The following SHB variants were observed in gnomAD, a reference collection of about 807,000 sequenced individuals.
SHB encodes the protein SH2 domain-containing adapter protein B.
In SHB, 20 loss-of-function variants were observed where a neutral mutation model predicts 52.3. The observed-to-expected ratio is 0.38, with a 90% confidence interval of 0.27 to 0.56. The LOEUF is 0.56. SHB is among the 20% of genes least tolerant of loss of function. SHB has a pLI of 0.71. For missense variants in SHB, 825 were observed against 723.3 expected (o/e 1.14, Z -1.61); for synonymous variants, 397 against 316.5 (o/e 1.25, Z -2.70).
At chr9:37,995,774 T>C (rs1027507341) in intron 2 of SHB, among the ~76,000 whole-genome samples, 6 of 152,220 alleles carry the variant, frequency 3.9e-5, no homozygotes, top group African/African-American at 1.2e-4. Context: ...CCATGCTGGC[T>C]GATTCCCATC....
intron 3 of SHB, among the ~76,000 whole-genome samples, chr9:37,959,107 G>C (rs1337885986): frequency 2.0e-5 from 3 of 152,188 alleles, no homozygotes; most frequent in Non-Finnish European, 4.4e-5. Flanking sequence ...CAATCCTGAA[G>C]ACGGGAAGAC....
chr9:38,059,637 G>A (rs1366810595), intron 1 of SHB, among the ~76,000 whole-genome samples: 1 of 152,174 alleles, frequency 6.6e-6, no homozygotes, highest in Admixed American at 6.5e-5. Flanking sequence ...CTCCTTAATG[G>A]TCTCAGCAAA....
chr9:37,988,892 G>A (rs1283363927), intron 2 of SHB, among the ~76,000 whole-genome samples: 1 of 152,142 alleles, frequency 6.6e-6, no homozygotes, highest in Non-Finnish European at 1.5e-5. Context: ...CCTTTTTCCT[G>A]CCTTCAGACT....
chr9:38,067,150 TC>T (rs1468732642), intron 1 of SHB, among the ~76,000 whole-genome samples: 1 of 150,432 alleles, frequency 6.6e-6, no homozygotes, highest in Admixed American at 6.6e-5. Flanking sequence ...TGTCACAAAG[TC>T]CCCCCGTGTT....
intron 5 of SHB, among the ~76,000 whole-genome samples, chr9:37,921,279 T>G (rs1832177134): frequency 2.0e-5 from 3 of 152,138 alleles, no homozygotes; most frequent in Admixed American, 1.3e-4. Flanking sequence ...CAAGCAGACT[T>G]GAAGGTTTGC....
At chr9:38,032,045 G>A (rs1821422713) in intron 1 of SHB, among the ~76,000 whole-genome samples, 1 of 152,128 alleles carries the variant, frequency 6.6e-6, no homozygotes, top group African/African-American at 2.4e-5. Flanking sequence ...CTGAGTCCCA[G>A]AGCCTGGGAT....
At chr9:38,013,312 C>A (rs1821166145) in intron 2 of SHB, among the ~76,000 whole-genome samples, 1 of 152,140 alleles carries the variant, frequency 6.6e-6, no homozygotes, top group Non-Finnish European at 1.5e-5. Flanking sequence ...ATGGGGTGTA[C>A]CCTCATTTAA....
At chr9:38,037,169 C>T (rs898280024) in intron 1 of SHB, among the ~76,000 whole-genome samples, 2 of 152,186 alleles carry the variant, frequency 1.3e-5, no homozygotes, top group African/African-American at 4.8e-5. Context: ...CCTGCGATCT[C>T]CTTATGACAC....
In SHB at chr9:38,016,081, G is replaced by T. The variant is rs539830857; in HGVS notation, c.768C>A (p.Leu256=). 1 of 1,614,046 alleles carries T rather than the reference G, an allele frequency of 6.2e-7. No individual in the cohort carries two copies. The highest frequency in any genetic ancestry group is 1.6e-4 in the Middle Eastern group (1 of 6,062). ...YSDPFDAKND[L]KSKAGKGESA... The stretch of plus-strand genomic sequence containing the variant: ...TCTCCCCCTTTCCTGCTTTGCTCTT[G>T]AGATCATTCTTGGCATCAAAGGGAT... Residue 256 remains leucine, a synonymous_variant, in exon 2 of 6, where the codon CTC becomes CTA. Coordinates refer to ENST00000377707, the MANE Select transcript of SHB (RefSeq NM_003028.3).
chr9:37,982,717 T>C (rs1820749814), intron 2 of SHB, among the ~76,000 whole-genome samples: 1 of 152,024 alleles, frequency 6.6e-6, no homozygotes, highest in Non-Finnish European at 1.5e-5. Context: ...AAGAATCACT[T>C]GAACCTGGTA....
intron 3 of SHB, among the ~76,000 whole-genome samples, chr9:37,968,815 C>T (rs1820561282): frequency 6.6e-6 from 1 of 152,206 alleles, no homozygotes; most frequent in Non-Finnish European, 1.5e-5. Context: ...GCCTGACTGG[C>T]TCTGCCATGA....
chr9:37,986,994 G>A (rs1010935994), intron 2 of SHB, among the ~76,000 whole-genome samples: 1 of 152,240 alleles, frequency 6.6e-6, no homozygotes, highest in Non-Finnish European at 1.5e-5. Flanking sequence ...ACACTCTAAT[G>A]AGGTAAAGCC....
intron 2 of SHB, among the ~76,000 whole-genome samples, chr9:37,990,200 G>T (rs1820865713): frequency 9.6e-6 from 1 of 104,572 alleles, no homozygotes; most frequent in African/African-American, 4.3e-5. Flanking sequence ...CCAGCTTCAA[G>T]TCTCAGCCTC....
chr9:37,974,573 C>T (rs1328044351), intron 3 of SHB, 49 bp downstream of exon 3: 1 of 1,531,098 alleles, frequency 6.5e-7, no homozygotes, highest in Non-Finnish European at 8.9e-7. Flanking sequence ...AAGGTGAGTG[C>T]TGAGCGCAGC....
At chr9:38,017,972 T>C (rs1408501089) in intron 1 of SHB, among the ~76,000 whole-genome samples, 2 of 151,970 alleles carry the variant, frequency 1.3e-5, no homozygotes, top group African/African-American at 4.8e-5. Flanking sequence ...TGTCTCAGAG[T>C]TCAAGGGGCC....
chr9:38,062,586 T>C (rs552180920), intron 1 of SHB, among the ~76,000 whole-genome samples: 9 of 152,294 alleles, frequency 5.9e-5, no homozygotes, highest in South Asian at 4.1e-4. Context: ...AGCTGAATTG[T>C]TGCAGCCCAA....
At chr9:37,963,700 C>A (rs1832719006) in intron 3 of SHB, among the ~76,000 whole-genome samples, 1 of 152,036 alleles carries the variant, frequency 6.6e-6, no homozygotes, top group Non-Finnish European at 1.5e-5. Context: ...AGTTGTGCGA[C>A]CCCAGGAAGG....
chr9:37,969,287 T>C (rs1182720473), intron 3 of SHB, among the ~76,000 whole-genome samples: 1 of 152,160 alleles, frequency 6.6e-6, no homozygotes, highest in Non-Finnish European at 1.5e-5. Context: ...AAAGTCCGGC[T>C]CTGCTGCTGA....
chr9:37,923,123 C>T (rs534702367), intron 5 of SHB, among the ~76,000 whole-genome samples: 22 of 152,218 alleles, frequency 1.4e-4, no homozygotes, highest in Non-Finnish European at 2.8e-4. Context: ...CAGTGATTAT[C>T]AGCAGCAGAT....
Sources: gnomAD v4.1 joint callset for allele counts (sites outside exome capture counted in the v4.1 genomes callset) on GRCh38, gnomAD v4.1.1 for gene constraint, MANE v1.5 for transcripts, NCBI Gene and HGNC (gene_info 2026-07-23, HGNC 2026-07-21) for gene names.